The following DSCAM variants were observed in gnomAD, a reference collection of about 807,000 sequenced individuals.
DSCAM encodes the protein cell adhesion molecule DSCAM.
Under a neutral mutation model 217.7 loss-of-function variants are expected in DSCAM, and 47 were observed. The observed-to-expected ratio is 0.22, with a 90% CI of 0.17 to 0.28. DSCAM has a LOEUF of 0.28. Among genes scored for constraint, DSCAM ranks in the 10% least tolerant of loss-of-function variants. The probability of loss-of-function intolerance (pLI) is 1.00; values close to 1 mark genes in which losing one functional copy is unlikely to be tolerated. For synonymous variants in DSCAM, 1,056 were observed against 1,015.3 expected (o/e 1.04, Z -0.76); for missense variants, 2,080 against 2,618.3 (o/e 0.79, Z 4.49).
chr21:40,807,683 G>A (rs1309945546), intron 1 of DSCAM, among the ~76,000 whole-genome samples: 3 of 152,104 alleles, frequency 2.0e-5, no homozygotes, highest in Non-Finnish European at 2.9e-5. Context: ...TCTTTCAAGT[G>A]GGACAGAGAA....
chr21:40,592,928 G>A (rs1348848362), intron 3 of DSCAM, among the ~76,000 whole-genome samples: 1 of 152,180 alleles, frequency 6.6e-6, no homozygotes, highest in Non-Finnish European at 1.5e-5. Context: ...CTAATGAATT[G>A]CAGATATTGT....
intron 11 of DSCAM, among the ~76,000 whole-genome samples, chr21:40,258,771 C>T (rs1272955796): frequency 6.6e-6 from 1 of 152,246 alleles, no homozygotes; most frequent in African/African-American, 2.4e-5. Context: ...GTTACTTCCT[C>T]CTTCTTTTGT....
chr21:40,685,946 A>C (rs940918349), intron 3 of DSCAM, among the ~76,000 whole-genome samples: 12 of 152,186 alleles, frequency 7.9e-5, no homozygotes, highest in Admixed American at 7.9e-4. Context: ...CAAAAACAAA[A>C]ACAAAAACAA....
chr21:40,079,882 C>T (rs1171540738), intron 25 of DSCAM, among the ~76,000 whole-genome samples: 1 of 152,096 alleles, frequency 6.6e-6, no homozygotes, highest in Non-Finnish European at 1.5e-5. Context: ...GGCTGCCCAG[C>T]CTTGGCACCT....
chr21:40,386,163 G>T (rs1222790976), intron 3 of DSCAM, among the ~76,000 whole-genome samples: 1 of 151,770 alleles, frequency 6.6e-6, no homozygotes, highest in East Asian at 1.9e-4. Context: ...TTTTTGCCTA[G>T]GCCCGCCTCA....
chr21:40,565,007 A>G (rs1299910196), intron 3 of DSCAM, among the ~76,000 whole-genome samples: 2 of 152,186 alleles, frequency 1.3e-5, no homozygotes, highest in Non-Finnish European at 2.9e-5. Context: ...CCTGACACAC[A>G]TGACCCAACA....
intron 3 of DSCAM, among the ~76,000 whole-genome samples, chr21:40,457,227 G>A (rs559588159): frequency 6.6e-6 from 1 of 152,282 alleles, no homozygotes; most frequent in African/African-American, 2.4e-5. Flanking sequence ...AAAGAAGAAG[G>A]CTGGCTGCGC....
At chr21:40,706,805 A>G (rs1390902007) in intron 2 of DSCAM, among the ~76,000 whole-genome samples, 1 of 152,250 alleles carries the variant, frequency 6.6e-6, no homozygotes, top group Non-Finnish European at 1.5e-5. Flanking sequence ...TGTTCACAAT[A>G]AAAAGCAAAA....
intron 8 of DSCAM, among the ~76,000 whole-genome samples, chr21:40,319,935 A>G (rs893148607): frequency 2.6e-5 from 4 of 152,218 alleles, no homozygotes; most frequent in African/African-American, 9.7e-5. Context: ...TATCTTCCAC[A>G]AACTAATGCA....
At chr21:40,573,868 A>T (rs763646563) in intron 3 of DSCAM, among the ~76,000 whole-genome samples, 1 of 152,182 alleles carries the variant, frequency 6.6e-6, no homozygotes, top group Non-Finnish European at 1.5e-5. Context: ...GCCATTAAAG[A>T]TACAGCCACT....
intron 1 of DSCAM, among the ~76,000 whole-genome samples, chr21:40,786,253 A>AGAAG (rs60891197): frequency 1.3e-5 from 2 of 149,094 alleles, no homozygotes; most frequent in East Asian, 3.9e-4. Context: ...AAACAAAGAA[A>AGAAG]GAAGGAAGGA....
chr21:40,796,128 C>T (rs1226452880), intron 1 of DSCAM, among the ~76,000 whole-genome samples: 1 of 152,226 alleles, frequency 6.6e-6, no homozygotes, highest in Non-Finnish European at 1.5e-5. Flanking sequence ...CTTGTCCCAA[C>T]TCTTCACTCC....
At position 40,055,293 on chromosome 21, in the gene DSCAM, A is replaced by AGTTTTAT. The variant is rs2088996638; in HGVS notation, c.5035+425_5035+431dup. On this transcript the variant is annotated intron_variant, in intron 29 of 32. Coordinates refer to ENST00000400454, the MANE Select transcript of DSCAM (RefSeq NM_001389.5). Reference sequence around the variant, plus strand: ...GTTTAAGTGTTAAGTACAGTTTAAAAGTTTTATTTAATGAAGGCTTGCATT... The same window carrying AGTTTTAT: ...GTTTAAGTGTTAAGTACAGTTTAAAAGTTTTATGTTTTATTTAATGAAGGCTTGCATT... 5.9e-5 allele frequency among the ~76,000 whole-genome samples: 9 copies of AGTTTTAT among 152,332 alleles called. No homozygotes were observed. In the South Asian group the frequency reaches 1.9e-3, roughly 32 times the overall value.
chr21:40,188,746 C>A (rs746433470), intron 12 of DSCAM, among the ~76,000 whole-genome samples: 10 of 151,784 alleles, frequency 6.6e-5, no homozygotes, highest in Non-Finnish European at 1.5e-4. Context: ...GGCCATCATT[C>A]CTGAAGGATT....
intron 3 of DSCAM, among the ~76,000 whole-genome samples, chr21:40,416,553 T>C (rs916538073): frequency 6.6e-6 from 1 of 152,290 alleles, no homozygotes; most frequent in East Asian, 1.9e-4. Context: ...GAATAGTCAC[T>C]GTATTTCAAG....
At chr21:40,282,155 A>T (rs73904761) in intron 10 of DSCAM, among the ~76,000 whole-genome samples, 6,062 of 152,254 alleles carry the variant, frequency 0.04, 425 homozygotes, top group African/African-American at 0.14. Context: ...AAGTGCTTAA[A>T]TTTGTAACAC....
chr21:40,781,011 C>T (rs2091538941), intron 1 of DSCAM, among the ~76,000 whole-genome samples: 1 of 87,536 alleles, frequency 1.1e-5, no homozygotes, highest in Non-Finnish European at 2.7e-5. Flanking sequence ...TTAATAGTAA[C>T]ATTTTTTTTT....
chr21:40,370,629 T>G lies in DSCAM; in HGVS notation c.509-1384A>C, dbSNP rs1043460963. Among the ~76,000 whole-genome samples, 434 of 109,696 alleles carry G rather than the reference T, an allele frequency of 4.0e-3. 1 individual carries two copies. Among genetic ancestry groups the G allele is most frequent in the African/African-American group, 0.019 (421 of 22,554 alleles). The allele number at this position is 109,696 out of a possible 152,430, so 72.0% of individuals were successfully genotyped here. A position where few individuals can be genotyped will look rare whatever the true frequency, so the allele number is the denominator to read the frequency against. On this transcript the variant is annotated intron_variant, in intron 3 of 32. Coordinates refer to ENST00000400454, the MANE Select transcript of DSCAM (RefSeq NM_001389.5). ...AGATAAATTAAAAATGGTTTATGGTTTTTTTTTTTGAGATAAGGTCTGGCT... is the reference window on the plus strand; with the variant it reads ...AGATAAATTAAAAATGGTTTATGGTGTTTTTTTTTGAGATAAGGTCTGGCT...
At position 40,124,229 on chromosome 21, in the gene DSCAM, T is replaced by G; in HGVS notation, c.3662A>C (p.Lys1221Thr). Residue 1221 changes from lysine (K) to threonine (T), a missense_variant, in exon 20 of 33, where the codon AAG becomes ACG. By Grantham distance (78) the Lys-to-Thr change is moderately conservative. Around this residue, in one of 5 missense-constraint regions of DSCAM, gnomAD observed 1,144 missense variants for 1,421.1 expected, o/e 0.81. Transcript: ENST00000400454. ...GGGGTGGGAGCAGAATACAGTGTAC[T>G]TTCGGATGATGCCGTTCAGCTTGAG... ...PPLKLNGIIR[K>T]YTVFCSHPYP... 6.2e-7 allele frequency: 1 copy of G among 1,614,006 alleles called. No homozygotes were observed.
Sources: gnomAD v4.1 joint callset for allele counts (sites outside exome capture counted in the v4.1 genomes callset) on GRCh38, gnomAD v4.1.1 for gene constraint, gnomAD v4.1.1 regional missense constraint, MANE v1.5 for transcripts, NCBI Gene and HGNC (gene_info 2026-07-23, HGNC 2026-07-21) for gene names.